ASPH: variants seen among roughly 807,000 people sequenced by gnomAD.
ASPH encodes the protein aspartate beta-hydroxylase, also known as aspartyl/asparaginyl beta-hydroxylase.
Under a neutral mutation model 118.4 loss-of-function variants are expected in ASPH, and 100 were observed. That is an observed-to-expected ratio of 0.84 (90% CI 0.72 to 1.00). ASPH has a LOEUF of 1.00. Ranked by LOEUF, ASPH falls within the 50% of genes least tolerant of loss-of-function variation. The pLI is 0.00. For missense variants in ASPH, 920 were observed against 919.5 expected (o/e 1.00, Z -0.01); for synonymous variants, 315 against 325.6 (o/e 0.97, Z 0.35).
chr8:61,544,751 C>T (rs939217408), intron 21 of ASPH, among the ~76,000 whole-genome samples: 2 of 151,998 alleles, frequency 1.3e-5, no homozygotes, highest in African/African-American at 4.8e-5. Flanking sequence ...TTTTGAGAAC[C>T]CATCATGTAT....
intron 21 of ASPH, among the ~76,000 whole-genome samples, chr8:61,531,608 T>C (rs1237340073): frequency 6.6e-6 from 1 of 151,982 alleles, no homozygotes; most frequent in Non-Finnish European, 1.5e-5. Context: ...ATATTCAAAG[T>C]GAACAAGGCA....
intron 21 of ASPH, among the ~76,000 whole-genome samples, chr8:61,539,079 A>T (rs1049819658): frequency 1.3e-5 from 2 of 152,100 alleles, no homozygotes; most frequent in African/African-American, 4.8e-5. Flanking sequence ...CGTCTCTACT[A>T]AAAATACAAA....
intron 18 of ASPH, among the ~76,000 whole-genome samples, chr8:61,557,278 C>G (rs1300502635): frequency 6.6e-6 from 1 of 152,090 alleles, no homozygotes; most frequent in African/African-American, 2.4e-5. Context: ...GGAACCACCC[C>G]CAAGGCCTCC....
intron 4 of ASPH, 163 bp from the exon 5 acceptor site, chr8:61,651,287 G>A (rs1216323263): frequency 3.9e-6 from 2 of 512,726 alleles, no homozygotes; most frequent in Non-Finnish European, 6.7e-6. Flanking sequence ...TTCTGTGTTG[G>A]CAAACATGGT....
chr8:61,548,332 T>A, intron 20 of ASPH, 124 bp from the exon 21 acceptor site: 1 of 1,156,808 alleles, frequency 8.6e-7, no homozygotes. Flanking sequence ...AGCTTACTGC[T>A]AGGTACTCAA....
At chr8:61,610,171 G>C (rs2133879129) in intron 14 of ASPH, among the ~76,000 whole-genome samples, 1 of 152,246 alleles carries the variant, frequency 6.6e-6, no homozygotes, top group East Asian at 1.9e-4. Context: ...GTAAAATGTG[G>C]AGTGCTCCAT....
intron 5 of ASPH, among the ~76,000 whole-genome samples, chr8:61,650,662 G>A (rs1810506165): frequency 6.6e-6 from 1 of 151,990 alleles, no homozygotes; most frequent in South Asian, 2.1e-4. Flanking sequence ...CATCATTTTT[G>A]TTGTGGTGAC....
At chr8:61,650,874 G>C (rs1810623996) in intron 5 of ASPH, among the ~76,000 whole-genome samples, 176 bp downstream of exon 5, 1 of 152,196 alleles carries the variant, frequency 6.6e-6, no homozygotes, top group Non-Finnish European at 1.5e-5. Flanking sequence ...GTAGAATAAA[G>C]TAAGTTTAGT....
At chr8:61,675,259 T>C in intron 3 of ASPH, 2 of 879,192 alleles carry the variant, frequency 2.3e-6, no homozygotes, top group African/African-American at 1.8e-5. Flanking sequence ...AAAAGACTTA[T>C]TTAGGATGAA....
chr8:61,538,407 G>A (rs1341974736), intron 21 of ASPH, among the ~76,000 whole-genome samples: 1 of 152,114 alleles, frequency 6.6e-6, no homozygotes, highest in African/African-American at 2.4e-5. Flanking sequence ...AGTACTTCTT[G>A]ATACTATATT....
At chr8:61,560,107 CGT>C (rs1829291479) in intron 18 of ASPH, among the ~76,000 whole-genome samples, 1 of 152,198 alleles carries the variant, frequency 6.6e-6, no homozygotes, top group Non-Finnish European at 1.5e-5. Flanking sequence ...GCACATTCTG[CGT>C]GTGTTTCATG....
chr8:61,536,544 A>C (rs1208408109), intron 21 of ASPH, among the ~76,000 whole-genome samples: 1 of 152,190 alleles, frequency 6.6e-6, no homozygotes, highest in Non-Finnish European at 1.5e-5. Context: ...TGTTGGCCTA[A>C]GGAAGCTAGA....
At chr8:61,563,366 AGT>A (rs542324608) in intron 17 of ASPH, among the ~76,000 whole-genome samples, 7 of 152,192 alleles carry the variant, frequency 4.6e-5, no homozygotes, top group Non-Finnish European at 7.4e-5. Context: ...ATGAATGACA[AGT>A]GTACTCATCT....
At chr8:61,664,808 AACAGGGAAGCAGG>A in intron 3 of ASPH, 1 of 988,352 alleles carries the variant, frequency 1.0e-6, no homozygotes. Flanking sequence ...GAAAGAGAAA[AACAGGGAAGCAGG>A]AAGGGGAAGG....
At chr8:61,674,778 T>C (rs1213439632) in intron 3 of ASPH, among the ~76,000 whole-genome samples, 1 of 152,200 alleles carries the variant, frequency 6.6e-6, no homozygotes, top group Non-Finnish European at 1.5e-5. Context: ...TTGAAAGTAA[T>C]TTGATTAGAT....
At chr8:61,520,125 G>A (rs1329691681) in intron 22 of ASPH, among the ~76,000 whole-genome samples, 2 of 152,088 alleles carry the variant, frequency 1.3e-5, no homozygotes, top group African/African-American at 4.8e-5. Context: ...AATGAAGAAG[G>A]CGTCTTTGAG....
At chr8:61,519,443 G>A (rs115313539) in intron 22 of ASPH, among the ~76,000 whole-genome samples, 8 of 152,164 alleles carry the variant, frequency 5.3e-5, no homozygotes, top group African/African-American at 9.6e-5. Flanking sequence ...TCAAATTCAC[G>A]TTGTTCAAAG....
chr8:61,545,526 G>C (rs1308178202), intron 21 of ASPH, among the ~76,000 whole-genome samples: 1 of 152,208 alleles, frequency 6.6e-6, no homozygotes, highest in Non-Finnish European at 1.5e-5. Flanking sequence ...TAATAGAGCT[G>C]AACATAGAAT....
At chr8:61,541,590 T>C (rs980429199) in intron 21 of ASPH, among the ~76,000 whole-genome samples, 5 of 152,260 alleles carry the variant, frequency 3.3e-5, no homozygotes, top group African/African-American at 1.2e-4. Context: ...GTCTGTCAAC[T>C]AAACGGTCAA....
Sources: gnomAD v4.1 joint callset for allele counts (sites outside exome capture counted in the v4.1 genomes callset) on GRCh38, gnomAD v4.1.1 for gene constraint, MANE v1.5 for transcripts, NCBI Gene and HGNC (gene_info 2026-07-23, HGNC 2026-07-21) for gene names.